Variants in HDAC9 observed in about 807,000 individuals in gnomAD.
HDAC9 encodes MEF-2 interacting transcription repressor (MITR) protein.
A neutral mutation model predicts 139.4 loss-of-function variants in HDAC9; 41 were observed. The ratio of observed to expected loss-of-function variants is 0.29; its 90% CI spans 0.23 to 0.38. The LOEUF (loss-of-function observed/expected upper bound fraction) is 0.38, where lower values mean the gene tolerates loss of function less well. HDAC9 is among the 10% of genes least tolerant of loss of function. The probability of loss-of-function intolerance (pLI) is 1.00; values close to 1 mark genes in which losing one functional copy is unlikely to be tolerated. For synonymous variants in HDAC9, 517 were observed against 476.2 expected, an observed-to-expected ratio of 1.09 and a Z score of -1.12; for missense variants, 1,147 against 1,297.0, an observed-to-expected ratio of 0.88 and a Z score of 1.78.
intron 22 of HDAC9, among the ~76,000 whole-genome samples, chr7:18,880,122 G>A (rs1205047228): frequency 6.6e-6 from 1 of 152,036 alleles, no homozygotes; most frequent in Non-Finnish European, 1.5e-5. Context: ...ATCTCACACA[G>A]GTCAGAATGG....
intron 11 of HDAC9, among the ~76,000 whole-genome samples, chr7:18,649,498 T>A (rs1788578168): frequency 6.6e-6 from 1 of 152,150 alleles, no homozygotes; most frequent in African/African-American, 2.4e-5. Context: ...TTGTGCTGTA[T>A]CATCTACAAG....
rs1786593187 is a variant in HDAC9, at chr7:18,998,608, C to G, written c.*2546C>G. ...TGGAGGCTTTCCGAAAATATCAACA[C>G]TTCTTTTGAAATAGACCAGCACTTT... On this transcript the variant is annotated 3_prime_UTR_variant, in exon 26 of 26. Transcript: ENST00000686413. 6.6e-6 allele frequency: 1 copy of G among 152,200 alleles called. No individual in the cohort carries two copies. The highest frequency in any genetic ancestry group is 2.1e-4 in the South Asian group (1 of 4,834). The allele number at this position is 152,200 out of a possible 1,614,324, so 9.4% of individuals were successfully genotyped here. A position where few individuals can be genotyped will look rare whatever the true frequency, so the allele number is the denominator to read the frequency against.
chr7:18,759,813 TG>T (rs1789218393), intron 14 of HDAC9, among the ~76,000 whole-genome samples: 1 of 152,108 alleles, frequency 6.6e-6, no homozygotes, highest in African/African-American at 2.4e-5. Flanking sequence ...CTAGAATCAG[TG>T]GGATTGTGGG....
At chr7:18,768,810 A>G (rs752296635) in intron 16 of HDAC9, among the ~76,000 whole-genome samples, 8 of 152,170 alleles carry the variant, frequency 5.3e-5, no homozygotes, top group Non-Finnish European at 1.2e-4. Context: ...TTTTGATTTT[A>G]TGATGGTGCA....
At chr7:18,774,957 G>A (rs767736191) in intron 16 of HDAC9, among the ~76,000 whole-genome samples, 2 of 151,978 alleles carry the variant, frequency 1.3e-5, no homozygotes, top group Non-Finnish European at 1.5e-5. Flanking sequence ...AGTGAGAGAC[G>A]TGCAACTCTT....
intron 2 of HDAC9, among the ~76,000 whole-genome samples, chr7:18,535,831 A>G (rs1810722496): frequency 6.6e-6 from 1 of 152,096 alleles, no homozygotes; most frequent in South Asian, 2.1e-4. Context: ...AACAAAACAG[A>G]AGAAAATAAG....
chr7:18,809,549 C>A (rs1474647049), intron 17 of HDAC9, among the ~76,000 whole-genome samples: 2 of 151,896 alleles, frequency 1.3e-5, no homozygotes, highest in Non-Finnish European at 2.9e-5. Context: ...ATAAACATTT[C>A]TTAAAGAAGT....
chr7:18,387,056 G>A (rs984934422), intron 1 of HDAC9, among the ~76,000 whole-genome samples: 4 of 152,192 alleles, frequency 2.6e-5, no homozygotes, highest in African/African-American at 7.2e-5. Context: ...TCTGCTGATA[G>A]ATAAGGAATA....
chr7:18,525,499 A>G (rs914422026), intron 2 of HDAC9, among the ~76,000 whole-genome samples: 13 of 152,174 alleles, frequency 8.5e-5, no homozygotes, highest in African/African-American at 3.1e-4. Context: ...AATTACATGC[A>G]GTCTTAATAA....
intron 25 of HDAC9, among the ~76,000 whole-genome samples, chr7:18,981,165 TAATATAAG>T (rs1186053408): frequency 1.3e-5 from 2 of 152,038 alleles, no homozygotes; most frequent in Non-Finnish European, 2.9e-5. Flanking sequence ...CAGTAATCTA[TAATATAAG>T]AATATAGAGC....
chr7:18,576,945 A>AAGAGAG (rs142999008), intron 2 of HDAC9, among the ~76,000 whole-genome samples: 1 of 151,332 alleles, frequency 6.6e-6, no homozygotes, highest in Non-Finnish European at 1.5e-5. Flanking sequence ...GAGAGAGAAA[A>AAGAGAG]AGAGAGAGAG....
At chr7:18,896,331 A>G (rs1801195784) in intron 22 of HDAC9, among the ~76,000 whole-genome samples, 1 of 152,084 alleles carries the variant, frequency 6.6e-6, no homozygotes, top group Admixed American at 6.6e-5. Context: ...AAAAATATGT[A>G]TATTTTTTCC....
At chr7:18,544,773 A>C (rs1814222103) in intron 2 of HDAC9, among the ~76,000 whole-genome samples, 1 of 152,186 alleles carries the variant, frequency 6.6e-6, no homozygotes, top group African/African-American at 2.4e-5. Flanking sequence ...TACATAAAGA[A>C]TTTACCACTG....
rs369701592 is a variant in HDAC9, at chr7:18,756,826, G to T, written c.2044-5331G>T. Among the ~76,000 whole-genome samples, 3 of 151,706 alleles carry T rather than the reference G, an allele frequency of 2.0e-5. No individual in the cohort carries two copies. In the South Asian group the frequency reaches 6.2e-4, roughly 32 times the overall value. ...GACCCACAGAAAGGACCAAAAGCCT[G>T]TTAGGCCACCTGCCTGCTTGATTGC... On this transcript the variant is annotated intron_variant, in intron 14 of 25. Coordinates refer to ENST00000686413, the MANE Select transcript of HDAC9 (RefSeq NM_178425.4).
chr7:18,460,938 T>C (rs1010807225), intron 1 of HDAC9, among the ~76,000 whole-genome samples: 7 of 152,012 alleles, frequency 4.6e-5, no homozygotes, highest in African/African-American at 1.7e-4. Flanking sequence ...ATTTTGCAAC[T>C]CAACCTATTT....
At chr7:18,746,047 T>A (rs912661045) in intron 13 of HDAC9, among the ~76,000 whole-genome samples, 1 of 151,500 alleles carries the variant, frequency 6.6e-6, no homozygotes, top group Non-Finnish European at 1.5e-5. Flanking sequence ...TTTTTAAAAA[T>A]TTTTGTGGAG....
chr7:18,954,303 C>T, intron 24 of HDAC9, 73 bp downstream of exon 24: 1 of 1,025,424 alleles, frequency 9.8e-7, no homozygotes, highest in Non-Finnish European at 1.5e-6. Context: ...AATTATAGTA[C>T]AAAGAAACAT....
At chr7:18,832,479 C>A (rs576537934) in intron 19 of HDAC9, among the ~76,000 whole-genome samples, 2 of 152,112 alleles carry the variant, frequency 1.3e-5, no homozygotes, top group Non-Finnish European at 2.9e-5. Context: ...TTGCAGTATG[C>A]TTTTTAACCA....
chr7:18,554,438 C>T (rs997857000), intron 2 of HDAC9, among the ~76,000 whole-genome samples: 6 of 151,136 alleles, frequency 4.0e-5, no homozygotes, highest in African/African-American at 1.5e-4. Context: ...TGGGTTCACG[C>T]CATTCTCCTG....
Sources: gnomAD v4.1 joint callset for allele counts (sites outside exome capture counted in the v4.1 genomes callset) on GRCh38, gnomAD v4.1.1 for gene constraint, MANE v1.5 for transcripts, NCBI Gene and HGNC (gene_info 2026-07-23, HGNC 2026-07-21) for gene names.